The following RUNX2 variants were observed in gnomAD, a reference collection of about 807,000 sequenced individuals.
RUNX2 encodes RUNX family transcription factor 2, also known as runt-related transcription factor 2.
Under a neutral mutation model 51.7 loss-of-function variants are expected in RUNX2, and 10 were observed. The ratio of observed to expected loss-of-function variants is 0.19; its 90% CI spans 0.12 to 0.33. The LOEUF is 0.33. Ranked by LOEUF, RUNX2 falls within the 10% of genes least tolerant of loss-of-function variation. The pLI is 1.00. For synonymous variants in RUNX2, 276 were observed against 273.6 expected (o/e 1.01, Z -0.09); for missense variants, 562 against 691.3 (o/e 0.81, Z 2.10).
intron 4 of RUNX2, among the ~76,000 whole-genome samples, chr6:45,436,404 G>A (rs551703817): frequency 6.6e-6 from 1 of 152,178 alleles, no homozygotes; most frequent in Admixed American, 6.5e-5. Flanking sequence ...AGTCTCTTGA[G>A]GCTTCAGCCT....
At chr6:45,445,093 C>T (rs1001196285) in intron 5 of RUNX2, among the ~76,000 whole-genome samples, 11 of 152,112 alleles carry the variant, frequency 7.2e-5, no homozygotes, top group African/African-American at 1.4e-4. Context: ...GGCGGGATCT[C>T]GGCTCACTGC....
At position 45,391,356 on chromosome 6, in the gene RUNX2, G is replaced by A. The variant is rs113812518; in HGVS notation, c.59-31237G>A. 2.7e-3 allele frequency among the ~76,000 whole-genome samples: 418 copies of A among 152,122 alleles called. 1 individual carries two copies. The highest frequency in any genetic ancestry group is 9.6e-3 in the African/African-American group (400 of 41,498). ...CCCTTGCTCTCTTGTTCCCACTCTC[G>A]CCCTGTGATGAGCCTGCACCTGCTT... is the stretch of plus-strand genomic sequence containing the variant. On this transcript the variant is annotated intron_variant, in intron 2 of 8. Transcript: ENST00000647337.
intron 5 of RUNX2, among the ~76,000 whole-genome samples, chr6:45,459,982 G>A (rs1799425607): frequency 6.6e-6 from 1 of 152,214 alleles, no homozygotes; most frequent in Admixed American, 6.5e-5. Context: ...CAGTGTGGCT[G>A]CAGCAGAGTG....
intron 2 of RUNX2, among the ~76,000 whole-genome samples, chr6:45,348,551 T>C (rs568984508): frequency 3.7e-4 from 55 of 147,592 alleles, no homozygotes; most frequent in Admixed American, 8.9e-4. Flanking sequence ...GGCGCATGCC[T>C]GTAGTCCCAG....
intron 5 of RUNX2, among the ~76,000 whole-genome samples, chr6:45,443,058 T>C (rs1373223523): frequency 2.1e-5 from 3 of 143,062 alleles, no homozygotes; most frequent in African/African-American, 7.9e-5. Flanking sequence ...TTTTTTTTTT[T>C]TTTTTTGAGA....
intron 5 of RUNX2, among the ~76,000 whole-genome samples, chr6:45,467,432 C>A (rs1007177780): frequency 6.6e-6 from 1 of 152,152 alleles, no homozygotes; most frequent in African/African-American, 2.4e-5. Flanking sequence ...CAGACGCACA[C>A]CACCACACCT....
rs180821472 is a variant in RUNX2, at chr6:45,522,500, C to T, written c.1021+10093C>T. ...TCACTCCGAATTGCTTCAACAATTACGTTTTCAACTTTTAAAAATTACGTA... is the reference window on the plus strand; with the variant it reads ...TCACTCCGAATTGCTTCAACAATTATGTTTTCAACTTTTAAAAATTACGTA... On this transcript the variant is annotated intron_variant, in intron 7 of 8. Coordinates refer to ENST00000647337, the MANE Select transcript of RUNX2 (RefSeq NM_001024630.4). Among the ~76,000 whole-genome samples, 204 of 152,140 alleles carry T rather than the reference C, an allele frequency of 1.3e-3. No individual in the cohort carries two copies. The Middle Eastern group carries it at 0.02, about 15-fold the overall frequency.
At chr6:45,440,834 GT>G in intron 5 of RUNX2, among the ~76,000 whole-genome samples, 2 of 152,226 alleles carry the variant, frequency 1.3e-5, no homozygotes, top group East Asian at 3.9e-4. Context: ...ATGTACTTAT[GT>G]GTGGAATTTT....
intron 6 of RUNX2, among the ~76,000 whole-genome samples, chr6:45,493,772 G>A (rs569358589): frequency 2.0e-5 from 3 of 151,512 alleles, no homozygotes; most frequent in East Asian, 3.9e-4. Flanking sequence ...AGAAGCAAAT[G>A]TATATATATA....
rs1285224454 is a variant in RUNX2, at chr6:45,328,840, T to C, written c.58+56T>C. On this transcript the variant is annotated intron_variant, in intron 2 of 8. Transcript: ENST00000647337. ...GATATGAACCTGTTAAACATAAAGG[T>C]ATGATTCTTTGATAAACTGCTAGCT... 9 of 1,551,916 alleles carry C rather than the reference T, an allele frequency of 5.8e-6. No homozygotes were observed. The East Asian group carries it at 1.8e-4, about 31-fold the overall frequency.
chr6:45,378,193 A>T (rs1797094926), intron 2 of RUNX2, among the ~76,000 whole-genome samples: 1 of 152,074 alleles, frequency 6.6e-6, no homozygotes, highest in Non-Finnish European at 1.5e-5. Context: ...AGAGCTGGGG[A>T]CGCTGGGAGC....
intron 2 of RUNX2, among the ~76,000 whole-genome samples, chr6:45,384,310 G>A (rs560815140): frequency 6.6e-6 from 1 of 152,124 alleles, no homozygotes; most frequent in South Asian, 2.1e-4. Flanking sequence ...TTTTTAGACA[G>A]AGTTTCACTC....
In RUNX2 at chr6:45,498,455, T is replaced by A. The variant is rs1194017470; in HGVS notation, c.859+6341T>A. ...CATGTGTCCTGCAGGACTAATTTCT[T>A]TTTCTTCTGTCCATTATACATTATT... is the stretch of plus-strand genomic sequence containing the variant. On this transcript the variant is annotated intron_variant, in intron 6 of 8. Transcript: ENST00000647337. Among the ~76,000 whole-genome samples, 4 of 152,304 alleles carry A rather than the reference T, an allele frequency of 2.6e-5. No individual in the cohort carries two copies. In the East Asian group the frequency reaches 7.7e-4, roughly 29 times the overall value.
chr6:45,369,476 G>A (rs1217528173), intron 2 of RUNX2, among the ~76,000 whole-genome samples: 1 of 152,132 alleles, frequency 6.6e-6, no homozygotes, highest in African/African-American at 2.4e-5. Context: ...CTGTCCCACA[G>A]TGAATCCCTC....
intron 6 of RUNX2, among the ~76,000 whole-genome samples, chr6:45,502,450 G>T (rs1800824120): frequency 6.6e-6 from 1 of 152,108 alleles, no homozygotes; most frequent in South Asian, 2.1e-4. Flanking sequence ...AGATGCCCAG[G>T]TTCTACCGCT....
chr6:45,397,616 A>G (rs1017502356), intron 2 of RUNX2, among the ~76,000 whole-genome samples: 1 of 152,124 alleles, frequency 6.6e-6, no homozygotes, highest in Non-Finnish European at 1.5e-5. Context: ...CCTAATGACT[A>G]GTGATGCCAG....
At chr6:45,520,128 G>A (rs899582049) in intron 7 of RUNX2, among the ~76,000 whole-genome samples, 3 of 151,862 alleles carry the variant, frequency 2.0e-5, no homozygotes, top group Admixed American at 6.6e-5. Context: ...CACTGCACCC[G>A]ACCGGATGCT....
At chr6:45,543,487 T>C (rs1467122848) in intron 7 of RUNX2, among the ~76,000 whole-genome samples, 1 of 152,222 alleles carries the variant, frequency 6.6e-6, no homozygotes, top group Admixed American at 6.5e-5. Context: ...AAACTGGCTC[T>C]TGGGAGCTCT....
intron 7 of RUNX2, 118 bp downstream of exon 7, chr6:45,512,525 G>T: frequency 9.1e-7 from 1 of 1,100,462 alleles, no homozygotes; most frequent in East Asian, 2.5e-5. Flanking sequence ...ATGTGGGCAA[G>T]GGAATGACAA....
Sources: gnomAD v4.1 joint callset for allele counts (sites outside exome capture counted in the v4.1 genomes callset) on GRCh38, gnomAD v4.1.1 for gene constraint, MANE v1.5 for transcripts, NCBI Gene and HGNC (gene_info 2026-07-23, HGNC 2026-07-21) for gene names.